CUX1: variants seen among roughly 807,000 people sequenced by gnomAD.
CUX1 encodes cut like homeobox 1.
In CUX1, 31 loss-of-function variants were observed where a neutral mutation model predicts 158.8. That is an observed-to-expected ratio of 0.20 (90% CI 0.15 to 0.26). The LOEUF is 0.26. Ranked by LOEUF, CUX1 falls within the 10% of genes least tolerant of loss-of-function variation. The probability of loss-of-function intolerance (pLI) is 1.00; values close to 1 mark genes in which losing one functional copy is unlikely to be tolerated. For synonymous variants in CUX1, 879 were observed against 862.1 expected (o/e 1.02, Z -0.34); for missense variants, 1,589 against 2,014.6 (o/e 0.79, Z 4.04).
chr7:102,211,592 C>T (rs1796532165), intron 20 of CUX1, among the ~76,000 whole-genome samples: 1 of 152,006 alleles, frequency 6.6e-6, no homozygotes, highest in Admixed American at 6.6e-5. Flanking sequence ...ACCAGCCTGG[C>T]CAACATGGGG....
At chr7:102,053,491 T>C (rs1823770452) in intron 3 of CUX1, among the ~76,000 whole-genome samples, 1 of 152,182 alleles carries the variant, frequency 6.6e-6, no homozygotes, top group Non-Finnish European at 1.5e-5. Context: ...AATTAAGTTA[T>C]TGACTGTAAT....
chr7:101,894,408 G>T (rs1031107878), intron 1 of CUX1, among the ~76,000 whole-genome samples: 1 of 152,310 alleles, frequency 6.6e-6, no homozygotes, highest in South Asian at 2.1e-4. Flanking sequence ...CCGCCTCCTG[G>T]GTTCACGCTA....
intron 1 of CUX1, among the ~76,000 whole-genome samples, chr7:101,843,123 C>T (rs1795344718): frequency 6.6e-6 from 1 of 152,080 alleles, no homozygotes; most frequent in East Asian, 1.9e-4. Flanking sequence ...ATCTCAGCCT[C>T]CCAAAGTGCT....
rs1047910038 is a variant in CUX1 at position 101,924,731 on chromosome 7, A to AT, written c.141+8515dup. On this transcript the variant is annotated intron_variant, in intron 2 of 23. Transcript: ENST00000292535. ...CAGGCGTGCACCACCACACCTGGTT[A>AT]TTTTTTTTTATTTTTTATTTTTTGT... Among the ~76,000 whole-genome samples the AT allele has an allele frequency of 1.9e-4, 28 of 148,176 alleles. No homozygotes were observed. In the South Asian group the frequency reaches 5.4e-3, roughly 29 times the overall value.
chr7:102,116,593 G>A (rs1002045380), intron 8 of CUX1, among the ~76,000 whole-genome samples: 18 of 152,236 alleles, frequency 1.2e-4, no homozygotes, highest in African/African-American at 4.3e-4. Context: ...GCAGTGAGCT[G>A]TGATCGTACC....
intron 3 of CUX1, among the ~76,000 whole-genome samples, chr7:102,054,662 A>G (rs890800079): frequency 2.0e-5 from 3 of 152,136 alleles, no homozygotes; most frequent in African/African-American, 7.2e-5. Flanking sequence ...TCAACTTGTC[A>G]ATTTCTGCAA....
intron 14 of CUX1, among the ~76,000 whole-genome samples, chr7:102,268,772 A>G (rs907545219): frequency 2.5e-4 from 38 of 151,652 alleles, no homozygotes; most frequent in Admixed American, 1.3e-4. Context: ...AGCAGGTGTG[A>G]GACATGGCGA....
chr7:102,040,061 C>G (rs1324205339), intron 3 of CUX1, among the ~76,000 whole-genome samples: 3 of 152,146 alleles, frequency 2.0e-5, no homozygotes, highest in Non-Finnish European at 4.4e-5. Context: ...TCGGGAGCCT[C>G]CTGCTTCCAG....
chr7:102,266,342 G>T (rs1030711296), intron 14 of CUX1, among the ~76,000 whole-genome samples: 2 of 151,940 alleles, frequency 1.3e-5, no homozygotes, highest in Non-Finnish European at 2.9e-5. Context: ...GCCGGGAAGG[G>T]GGTCTCTGCC....
At position 101,905,819 on chromosome 7, in the gene CUX1, G is replaced by A. The variant is rs572548114; in HGVS notation, c.31-10296G>A. Among the ~76,000 whole-genome samples, 11 of 152,184 alleles carry A rather than the reference G, an allele frequency of 7.2e-5. No individual in the cohort carries two copies. The East Asian group carries it at 1.5e-3, about 21-fold the overall frequency. ...CCAGAAAATCAGTCTTTGGGCAAGCGCTTGCTTCTCCACGTGCCCAGTATT... is the reference window on the plus strand; with the variant it reads ...CCAGAAAATCAGTCTTTGGGCAAGCACTTGCTTCTCCACGTGCCCAGTATT... On this transcript the variant is annotated intron_variant, in intron 1 of 23. Coordinates refer to ENST00000292535, the MANE Select transcript of CUX1 (RefSeq NM_181552.4).
chr7:102,235,377 C>G (rs1053452779), intron 22 of CUX1, among the ~76,000 whole-genome samples: 5 of 152,160 alleles, frequency 3.3e-5, no homozygotes, highest in Non-Finnish European at 7.4e-5. Context: ...CCTCCCTGAT[C>G]AGCTAACGCA....
chr7:102,069,618 A>G (rs1331862973), intron 3 of CUX1, among the ~76,000 whole-genome samples: 1 of 152,158 alleles, frequency 6.6e-6, no homozygotes, highest in African/African-American at 2.4e-5. Context: ...GCATGGTGGT[A>G]GGCACCTGTA....
chr7:102,088,526 C>G (rs552140823), intron 4 of CUX1, among the ~76,000 whole-genome samples: 3 of 151,898 alleles, frequency 2.0e-5, no homozygotes, highest in Non-Finnish European at 4.4e-5. Context: ...CCCAGCTACT[C>G]GGGAGGCTGA....
At chr7:101,935,993 T>G (rs115796902) in intron 2 of CUX1, among the ~76,000 whole-genome samples, 3,402 of 152,188 alleles carry the variant, frequency 0.022, 124 homozygotes, top group African/African-American at 0.073. Flanking sequence ...GAAGCGGTGG[T>G]TATGTCTTAT....
intron 3 of CUX1, among the ~76,000 whole-genome samples, chr7:102,028,737 G>A (rs908542159): frequency 1.3e-5 from 2 of 152,244 alleles, no homozygotes; most frequent in African/African-American, 4.8e-5. Flanking sequence ...CTGGCTACCT[G>A]TTAGCGGGAA....
chr7:102,164,632 C>T (rs1554508136), intron 9 of CUX1, among the ~76,000 whole-genome samples: 1 of 152,214 alleles, frequency 6.6e-6, no homozygotes, highest in African/African-American at 2.4e-5. Flanking sequence ...GCAGCATCAG[C>T]GTGGGACACG....
intron 7 of CUX1, among the ~76,000 whole-genome samples, chr7:102,114,353 G>A (rs1292589764): frequency 1.3e-5 from 2 of 152,148 alleles, no homozygotes; most frequent in East Asian, 3.8e-4. Context: ...TCGGCTCACT[G>A]CAACCTGCAT....
At chr7:101,995,003 G>C (rs999670540) in intron 2 of CUX1, among the ~76,000 whole-genome samples, 2 of 151,994 alleles carry the variant, frequency 1.3e-5, no homozygotes, top group Non-Finnish European at 1.5e-5. Context: ...AGGCCGAGAC[G>C]GGGGGATCAT....
chr7:102,278,659 A>AAAATAAAAT (rs1791801475), intron 18 of CUX1, among the ~76,000 whole-genome samples: 21 of 96,228 alleles, frequency 2.2e-4, no homozygotes, highest in African/African-American at 6.3e-4. Context: ...TAAAATAAAA[A>AAAATAAAAT]AATAAAATAA....
Sources: allele counts gnomAD v4.1 joint callset (sites outside exome capture counted in the v4.1 genomes callset), GRCh38; gene constraint gnomAD v4.1.1; transcripts MANE v1.5; gene names NCBI Gene and HGNC (gene_info 2026-07-23, HGNC 2026-07-21).